The following PDE11A variants were observed in gnomAD, a reference collection of about 807,000 sequenced individuals.
PDE11A encodes phosphodiesterase 11A, also known as dual 3',5'-cyclic-AMP and -GMP phosphodiesterase 11A.
In PDE11A, 100 loss-of-function variants were observed where a neutral mutation model predicts 100.5. The ratio of observed to expected loss-of-function variants is 1.00; its 90% confidence interval spans 0.85 to 1.18. PDE11A has a LOEUF of 1.18. Ranked by LOEUF, PDE11A falls within the 50% of genes most tolerant of loss-of-function variation. The pLI is 0.00. For missense variants in PDE11A, 1,141 were observed against 1,152.6 expected (o/e 0.99, Z 0.15); for synonymous variants, 381 against 420.8 (o/e 0.91, Z 1.16).
intron 15 of PDE11A, among the ~76,000 whole-genome samples, chr2:177,692,049 A>G (rs554033262): frequency 1.3e-5 from 2 of 152,264 alleles, no homozygotes; most frequent in South Asian, 2.1e-4. Context: ...TCTTGGCTCA[A>G]ATAAACTCTC....
chr2:177,992,556 AACAGT>A (rs1379349290), intron 2 of PDE11A, among the ~76,000 whole-genome samples: 2 of 152,234 alleles, frequency 1.3e-5, no homozygotes, highest in African/African-American at 4.8e-5. Context: ...TCTAATGGTT[AACAGT>A]ACATTCTGTA....
chr2:177,683,744 C>G (rs2080901249), intron 15 of PDE11A, among the ~76,000 whole-genome samples: 1 of 152,146 alleles, frequency 6.6e-6, no homozygotes, highest in African/African-American at 2.4e-5. Flanking sequence ...TGACAAGAAC[C>G]CAGTTTATTC....
chr2:177,774,110 G>A (rs887735836), intron 9 of PDE11A, among the ~76,000 whole-genome samples: 6 of 152,138 alleles, frequency 3.9e-5, no homozygotes. Flanking sequence ...CCTCTTTCAT[G>A]TATTGTATCA....
intron 1 of PDE11A, among the ~76,000 whole-genome samples, chr2:178,051,537 C>T (rs1002147467): frequency 6.6e-6 from 1 of 152,118 alleles, no homozygotes; most frequent in African/African-American, 2.4e-5. Context: ...GGGCTAAATG[C>T]TCCAATTAAA....
chr2:178,018,627 C>T (rs2086369727), intron 1 of PDE11A, among the ~76,000 whole-genome samples: 2 of 152,170 alleles, frequency 1.3e-5, no homozygotes, highest in Non-Finnish European at 2.9e-5. Context: ...TCACTTTCAT[C>T]ACCCAAAGTC....
At chr2:177,631,562 TATATATAC>T (rs1559117457) in intron 19 of PDE11A, among the ~76,000 whole-genome samples, 1 of 39,800 alleles carries the variant, frequency 2.5e-5, no homozygotes, top group East Asian at 1.1e-3. Flanking sequence ...TGTATATATA[TATATATAC>T]ATGTATATAT....
chr2:178,049,603 C>A (rs6738358), intron 1 of PDE11A, among the ~76,000 whole-genome samples: 68,338 of 151,964 alleles, frequency 0.45, 15,609 homozygotes, highest in Non-Finnish European at 0.48. Context: ...TTTTCTAGCC[C>A]AGGGAAGCTG....
At chr2:178,068,268 A>G (rs1197935236) in intron 1 of PDE11A, among the ~76,000 whole-genome samples, 1 of 151,786 alleles carries the variant, frequency 6.6e-6, no homozygotes, top group Non-Finnish European at 1.5e-5. Context: ...TTTTTTTCCT[A>G]ATTTCAAGTC....
chr2:177,929,437 A>G (rs1012642117), intron 2 of PDE11A, among the ~76,000 whole-genome samples: 78 of 152,344 alleles, frequency 5.1e-4, no homozygotes, highest in African/African-American at 1.7e-3. Flanking sequence ...AGAAGGGAAG[A>G]CTACTATACT....
At chr2:177,783,126 TG>T (rs1461937864) in intron 9 of PDE11A, among the ~76,000 whole-genome samples, 1 of 151,962 alleles carries the variant, frequency 6.6e-6, no homozygotes, top group African/African-American at 2.4e-5. Flanking sequence ...TATATTCAAA[TG>T]TATAATAACA....
intron 2 of PDE11A, among the ~76,000 whole-genome samples, chr2:178,083,865 T>C (rs2087316637): frequency 1.3e-5 from 2 of 152,242 alleles, no homozygotes; most frequent in Non-Finnish European, 2.9e-5. Context: ...TTTCTTCTTT[T>C]ATGAAAAGGA....
chr2:177,852,924 A>G (rs1898587), intron 5 of PDE11A, among the ~76,000 whole-genome samples: 43,964 of 152,124 alleles, frequency 0.29, 6,539 homozygotes, highest in Middle Eastern at 0.36. Flanking sequence ...ATTAACAGAA[A>G]TTAACACATG....
At chr2:177,752,920 T>G (rs554849088) in intron 10 of PDE11A, among the ~76,000 whole-genome samples, 1 of 152,362 alleles carries the variant, frequency 6.6e-6, no homozygotes, top group African/African-American at 2.4e-5. Flanking sequence ...CCATTGTTGA[T>G]TATCATAACT....
intron 9 of PDE11A, among the ~76,000 whole-genome samples, chr2:177,792,281 T>C (rs1017478421): frequency 4.6e-5 from 7 of 152,218 alleles, no homozygotes; most frequent in Non-Finnish European, 1.0e-4. Flanking sequence ...TCGGGTATAA[T>C]TGAGCAACTT....
intron 19 of PDE11A, among the ~76,000 whole-genome samples, chr2:177,631,502 AAAAAAAAAAAATAT>A (rs1489094770): frequency 7.1e-5 from 2 of 28,178 alleles, no homozygotes; most frequent in African/African-American, 2.4e-4. Context: ...AAAAAAAAAA[AAAAAAAAAAAATAT>A]ATATATATAT....
intron 1 of PDE11A, among the ~76,000 whole-genome samples, chr2:178,060,288 T>C (rs2086951497): frequency 6.6e-6 from 1 of 152,072 alleles, no homozygotes; most frequent in African/African-American, 2.4e-5. Flanking sequence ...AAAGCAAATA[T>C]GGTTTCTTTA....
At chr2:178,006,110 G>T (rs916539090) in intron 2 of PDE11A, among the ~76,000 whole-genome samples, 9 of 152,056 alleles carry the variant, frequency 5.9e-5, no homozygotes, top group African/African-American at 2.2e-4. Context: ...CCTTCATTTT[G>T]TTCAATTATT....
At chr2:177,741,888 C>T (rs1234041768) in intron 10 of PDE11A, among the ~76,000 whole-genome samples, 7 of 152,162 alleles carry the variant, frequency 4.6e-5, no homozygotes, top group East Asian at 1.9e-4. Flanking sequence ...AAAAATTAGC[C>T]GGGCACAGTG....
At chr2:177,709,052 C>T (rs113201891) in intron 13 of PDE11A, among the ~76,000 whole-genome samples, 2,431 of 152,174 alleles carry the variant, frequency 0.016, 36 homozygotes, top group Non-Finnish European at 0.025. Context: ...CTGAGCAGGA[C>T]CCCACCAGTG....
Sources: gnomAD v4.1 joint callset for allele counts (sites outside exome capture counted in the v4.1 genomes callset) on GRCh38, gnomAD v4.1.1 for gene constraint, MANE v1.5 for transcripts, NCBI Gene and HGNC (gene_info 2026-07-23, HGNC 2026-07-21) for gene names.